Variants in PRIM2 observed in about 807,000 individuals in gnomAD.
The protein encoded by PRIM2 is DNA primase large subunit.
Under a neutral mutation model 67.3 loss-of-function variants are expected in PRIM2, and 39 were observed. The observed-to-expected ratio is 0.58, with a 90% CI of 0.45 to 0.76. The LOEUF (loss-of-function observed/expected upper bound fraction) is 0.76, where lower values mean the gene tolerates loss of function less well. Among genes scored for constraint, PRIM2 ranks in the 30% least tolerant of loss-of-function variants. The pLI is 0.00. For missense variants in PRIM2, 398 were observed against 598.7 expected (o/e 0.66, Z 3.50); for synonymous variants, 143 against 198.7 (o/e 0.72, Z 2.36).
intron 13 of PRIM2, among the ~76,000 whole-genome samples, chr6:57,645,370 C>T (rs1435325720): frequency 5.0e-5 from 7 of 138,964 alleles, no homozygotes; most frequent in Non-Finnish European, 9.3e-5. Context: ...CACACACACA[C>T]ATTTGTATTC....
chr6:57,285,834 A>G, the PRIM2 span, among the ~76,000 whole-genome samples: 16 of 152,328 alleles, frequency 1.1e-4, no homozygotes, highest in African/African-American at 3.8e-4. Flanking sequence ...TTTGCAGATG[A>G]CATGATTGTA....
At chr6:57,442,943 C>T (rs1344710378) in intron 7 of PRIM2, among the ~76,000 whole-genome samples, 2 of 152,120 alleles carry the variant, frequency 1.3e-5, no homozygotes, top group African/African-American at 4.8e-5. Flanking sequence ...AACTCCCACT[C>T]CCCCAGCCTC....
intron 10 of PRIM2, among the ~76,000 whole-genome samples, chr6:57,537,948 T>C (rs1226172285): frequency 6.6e-6 from 1 of 152,142 alleles, no homozygotes; most frequent in Admixed American, 6.6e-5. Context: ...GGAGATATCA[T>C]GAACAAATAA....
chr6:57,293,092 C>T, the PRIM2 span, among the ~76,000 whole-genome samples: 10 of 151,914 alleles, frequency 6.6e-5, no homozygotes, highest in Admixed American at 1.3e-4. Flanking sequence ...TCTACCCATC[C>T]GACAAAGGGC....
the PRIM2 span, among the ~76,000 whole-genome samples, chr6:57,236,270 T>G: frequency 6.6e-6 from 1 of 152,134 alleles, no homozygotes; most frequent in Admixed American, 6.5e-5. Flanking sequence ...TCATTCTTCC[T>G]TCCCTGTAGC....
chr6:57,259,527 T>G, the PRIM2 span, among the ~76,000 whole-genome samples: 2 of 152,002 alleles, frequency 1.3e-5, no homozygotes, highest in Non-Finnish European at 2.9e-5. Flanking sequence ...TTTTAAGAGA[T>G]AAGGGTATGC....
chr6:57,439,731 A>C (rs1008741284), intron 7 of PRIM2, among the ~76,000 whole-genome samples: 20 of 151,908 alleles, frequency 1.3e-4, no homozygotes, highest in Non-Finnish European at 2.5e-4. Context: ...TTCTTTTTTA[A>C]TGTTAAACTT....
chr6:57,645,928 G>A lies in PRIM2; in HGVS notation c.1300G>A (p.Val434Met). The A allele has an allele frequency of 6.7e-7, 1 of 1,491,668 alleles. No homozygotes were observed. Among genetic ancestry groups the A allele is most frequent in the Non-Finnish European group, 9.3e-7 (1 of 1,070,894 alleles). The allele number at this position is 1,491,668 out of a possible 1,614,324, so 92.4% of individuals were successfully genotyped here. The change falls in exon 14 of 14, where the codon GTG becomes ATG. Residue 434 changes from valine (V) to methionine (M), a missense_variant and splice_region_variant. Coordinates refer to ENST00000615550, the MANE Select transcript of PRIM2 (RefSeq NM_000947.5). ...CAATATAAATTTCCTTCCTTTACAG[G>A]TGGATGATTGTGGCTTTTCTTTGAA... ...CQKYFEMIHN[V>M]DDCGFSLNHP... is the part of the protein sequence containing the mutation.
At chr6:57,272,313 T>C in the PRIM2 span, among the ~76,000 whole-genome samples, 2 of 152,224 alleles carry the variant, frequency 1.3e-5, no homozygotes, top group Non-Finnish European at 2.9e-5. Flanking sequence ...GGTGCTCCTG[T>C]ATTGGGTGCA....
chr6:57,591,484 T>A (rs1283677257), intron 10 of PRIM2, among the ~76,000 whole-genome samples: 1 of 152,180 alleles, frequency 6.6e-6, no homozygotes, highest in African/African-American at 2.4e-5. Context: ...GTATCCTAAA[T>A]TCTGGGCACT....
intron 7 of PRIM2, among the ~76,000 whole-genome samples, chr6:57,483,218 T>TA (rs1428547851): frequency 1.3e-5 from 2 of 152,156 alleles, no homozygotes; most frequent in East Asian, 1.9e-4. Flanking sequence ...GATTTTTTTT[T>TA]ATAAGACATT....
Position 57,364,653 on chromosome 6 carries a change from G to A in PRIM2, c.460-15248G>A, listed in dbSNP as rs547802640. The stretch of plus-strand genomic sequence containing the variant: ...AAGATGTTCTTCGTTTGGGTCTCCA[G>A]TTTAATATAGGGAGGGCCTCTTGCA... On this transcript the variant is annotated intron_variant, in intron 5 of 13. Coordinates refer to ENST00000615550, the MANE Select transcript of PRIM2 (RefSeq NM_000947.5). Among the ~76,000 whole-genome samples the A allele has an allele frequency of 9.5e-4, 145 of 152,192 alleles. 1 individual carries two copies. The highest frequency in any genetic ancestry group is 9.1e-3 in the South Asian group (44 of 4,810).
At chr6:57,318,324 C>A in intron 1 of PRIM2, 113 bp from the exon 2 acceptor site, 1 of 1,073,412 alleles carries the variant, frequency 9.3e-7, no homozygotes. Flanking sequence ...TTGTGCATGC[C>A]CTCAAATCCA....
intron 8 of PRIM2, among the ~76,000 whole-genome samples, chr6:57,513,512 C>T (rs1774411667): frequency 6.6e-6 from 1 of 151,892 alleles, no homozygotes; most frequent in Non-Finnish European, 1.5e-5. Context: ...AAAAATAACG[C>T]CTACAGTGTA....
intron 7 of PRIM2, among the ~76,000 whole-genome samples, chr6:57,491,050 C>G (rs1773877359): frequency 1.3e-5 from 2 of 151,974 alleles, no homozygotes; most frequent in Non-Finnish European, 2.9e-5. Context: ...GTAAATTGTT[C>G]AGAATTAAGA....
At chr6:57,497,812 T>G (rs1399722108) in intron 7 of PRIM2, 1 of 152,138 alleles carries the variant, frequency 6.6e-6, no homozygotes, top group African/African-American at 2.4e-5. Flanking sequence ...CAAAAAGTGC[T>G]GTGGGCATTT....
chr6:57,383,692 G>T (rs1187669722), intron 7 of PRIM2: 1 of 152,152 alleles, frequency 6.6e-6, no homozygotes, highest in Non-Finnish European at 1.5e-5. Context: ...GATGAGGCAG[G>T]TAACTTCGGG....
intron 10 of PRIM2, among the ~76,000 whole-genome samples, chr6:57,579,829 G>A (rs1410118935): frequency 6.6e-6 from 1 of 151,910 alleles, no homozygotes; most frequent in Non-Finnish European, 1.5e-5. Context: ...AAAGCAAGGG[G>A]AATTTAAAAG....
chr6:57,513,910 T>C (rs1331529087), intron 8 of PRIM2, among the ~76,000 whole-genome samples: 1 of 152,198 alleles, frequency 6.6e-6, no homozygotes, highest in Non-Finnish European at 1.5e-5. Flanking sequence ...TTAAAATGCG[T>C]ATTTGTCACA....
Sources: gnomAD v4.1 joint callset for allele counts (sites outside exome capture counted in the v4.1 genomes callset) on GRCh38, gnomAD v4.1.1 for gene constraint, MANE v1.5 for transcripts, NCBI Gene and HGNC (gene_info 2026-07-23, HGNC 2026-07-21) for gene names.